The following CACNG2 variants were observed in gnomAD, a reference collection of about 807,000 sequenced individuals.
CACNG2 encodes voltage-dependent calcium channel gamma-2 subunit.
Under a neutral mutation model 25.9 loss-of-function variants are expected in CACNG2, and 3 were observed. The observed-to-expected ratio is 0.12, with a 90% CI of 0.05 to 0.30. The LOEUF is 0.30. Among genes scored for constraint, CACNG2 ranks in the 10% least tolerant of loss-of-function variants. The probability of loss-of-function intolerance (pLI) is 1.00; values close to 1 mark genes in which losing one functional copy is unlikely to be tolerated. For synonymous variants in CACNG2, 167 were observed against 173.3 expected, an observed-to-expected ratio of 0.96 and a Z score of 0.29; for missense variants, 341 against 432.5, an observed-to-expected ratio of 0.79 and a Z score of 1.88.
intron 2 of CACNG2, among the ~76,000 whole-genome samples, chr22:36,575,381 C>T (rs78802973): frequency 0.039 from 5,942 of 152,222 alleles, 393 homozygotes; most frequent in African/African-American, 0.14. Context: ...TCTTGTGCCT[C>T]GGTGGGCCCC....
At chr22:36,623,011 GGTTTT>G (rs1360713428) in intron 1 of CACNG2, among the ~76,000 whole-genome samples, 19 of 93,222 alleles carry the variant, frequency 2.0e-4, no homozygotes, top group South Asian at 3.4e-4. Context: ...TCAAAACATG[GGTTTT>G]TTTTTTTTTT....
At chr22:36,690,664 A>G (rs2146013785) in intron 1 of CACNG2, among the ~76,000 whole-genome samples, 1 of 152,300 alleles carries the variant, frequency 6.6e-6, no homozygotes, top group African/African-American at 2.4e-5. Flanking sequence ...TTTCTTGTCC[A>G]AGGGAACATA....
rs1472219208 is a variant in CACNG2 at position 36,564,605 on chromosome 22, T to C, written c.718A>G (p.Ser240Gly). The C allele has an allele frequency of 6.2e-7, 1 of 1,613,914 alleles. No individual in the cohort carries two copies. Among genetic ancestry groups the C allele is most frequent in the Admixed American group, 1.7e-5 (1 of 60,014 alleles). Reference protein sequence around the residue: ...RYRYQRRSRSSSRSTEPSHSR... With the variant: ...RYRYQRRSRSGSRSTEPSHSR... The stretch of plus-strand genomic sequence containing the variant: ...TGTGAGGGCTCCGTGGAGCGCGAGC[T>C]GGAGCGGCTGCGGCGCTGGTAGCGG... The change falls in exon 4 of 4, where the codon AGC becomes GGC. Residue 240 changes from serine (S) to glycine (G), a missense_variant. This residue lies in a region of CACNG2 where 172 missense variants were observed against 178.1 expected (regional missense o/e 0.97). Transcript: ENST00000300105. The surrounding 1 kb of genome is among the most constrained non-coding windows in gnomAD (Gnocchi z 6.7).
chr22:36,703,302 C>G lies in CACNG2; in HGVS notation c.-726G>C, dbSNP rs1937437058. On this transcript the variant is annotated 5_prime_UTR_variant, in exon 1 of 4. Transcript: ENST00000300105. ...CGCGGCGGCGGCGGCGGCAGCAGGA[C>G]GAGCAGCGGCGGCGGTTATTGTTGT... The G allele has an allele frequency of 4.9e-5, 7 of 144,152 alleles. No individual in the cohort carries two copies. The South Asian group carries it at 1.3e-3, about 27-fold the overall frequency. 8.9% of individuals were successfully genotyped at this position (144,152 alleles called of 1,614,324 possible).
At chr22:36,657,518 G>C (rs5995325) in intron 1 of CACNG2, among the ~76,000 whole-genome samples, 7,906 of 152,176 alleles carry the variant, frequency 0.052, 469 homozygotes, top group African/African-American at 0.13. Context: ...CCCGGCTGGA[G>C]GACACGGGGG....
chr22:36,615,513 G>A (rs1012939799), intron 1 of CACNG2, among the ~76,000 whole-genome samples: 2 of 152,200 alleles, frequency 1.3e-5, no homozygotes, highest in Admixed American at 6.5e-5. Context: ...TTTTGCATCC[G>A]CATGATGGGC....
At chr22:36,665,146 C>A (rs1283937567) in intron 1 of CACNG2, among the ~76,000 whole-genome samples, 2 of 152,218 alleles carry the variant, frequency 1.3e-5, no homozygotes, top group East Asian at 1.9e-4. Context: ...TTGCTCCTCT[C>A]CAAGCCTCCA....
chr22:36,649,187 G>A (rs993514634), intron 1 of CACNG2, among the ~76,000 whole-genome samples: 5 of 152,148 alleles, frequency 3.3e-5, no homozygotes, highest in African/African-American at 7.2e-5. Flanking sequence ...ATCTTCTGCC[G>A]CGGCAGCTCC....
At chr22:36,685,357 T>C (rs1342909753) in intron 1 of CACNG2, among the ~76,000 whole-genome samples, 1 of 152,150 alleles carries the variant, frequency 6.6e-6, no homozygotes, top group East Asian at 1.9e-4. Context: ...TCTCACGCTC[T>C]TTCCCCACCC....
At chr22:36,578,989 C>A (rs1206923362) in intron 2 of CACNG2, among the ~76,000 whole-genome samples, 1 of 152,196 alleles carries the variant, frequency 6.6e-6, no homozygotes, top group Non-Finnish European at 1.5e-5. Flanking sequence ...CCCCGCACAG[C>A]AGCCTCGTCC....
Position 36,679,197 on chromosome 22 carries a change from C to CTTTCTTT in CACNG2, c.211+23168_211+23169insAAAGAAA, listed in dbSNP as rs1937060219. Among the ~76,000 whole-genome samples the CTTTCTTT allele has an allele frequency of 3.2e-3, 175 of 54,802 alleles. 1 individual carries two copies. The highest frequency in any genetic ancestry group is 0.025 in the Middle Eastern group (2 of 80). 36.0% of individuals were successfully genotyped at this position (54,802 alleles called of 152,430 possible). On this transcript the variant is annotated intron_variant, in intron 1 of 3. Transcript: ENST00000300105. ...TCCTTCCTTCCTTCCTTCCTTCCTT[C>CTTTCTTT]CTTTCTTTCTTTCTTTCTTTCTTTC...
Position 36,564,218 on chromosome 22 carries a change from GTTTT to G in CACNG2, c.*129_*132del, listed in dbSNP as rs1300223468. ...GTGTGTGTGTGTTTTTTTGTTTTTT[GTTTT>G]TTTGTTTTTTTTGTTTTTTGTTTTT... On this transcript the variant is annotated 3_prime_UTR_variant, in exon 4 of 4. Coordinates refer to ENST00000300105, the MANE Select transcript of CACNG2 (RefSeq NM_006078.5). This position sits in a 1 kb window ranked among gnomAD's most constrained non-coding sequence, Gnocchi z 6.7. The G allele has an allele frequency of 4.1e-6, 3 of 731,878 alleles. No homozygotes were observed. The South Asian group carries it at 8.0e-5, about 19-fold the overall frequency. 45.3% of individuals were successfully genotyped at this position (731,878 alleles called of 1,614,324 possible).
intron 1 of CACNG2, among the ~76,000 whole-genome samples, chr22:36,652,161 C>A (rs1936628077): frequency 6.6e-6 from 1 of 151,924 alleles, no homozygotes; most frequent in African/African-American, 2.4e-5. Flanking sequence ...CCACTGTGCC[C>A]ATCCTGTTTC....
intron 2 of CACNG2, 48 bp downstream of exon 2, chr22:36,587,417 G>T: frequency 1.5e-6 from 2 of 1,341,744 alleles, no homozygotes; most frequent in Non-Finnish European, 2.1e-6. Context: ...GGATGGAAGG[G>T]CAGGGCCCAC....
intron 1 of CACNG2, among the ~76,000 whole-genome samples, chr22:36,589,560 C>A (rs986935662): frequency 6.6e-6 from 1 of 152,196 alleles, no homozygotes; most frequent in Admixed American, 6.5e-5. Context: ...TGAGCTATCC[C>A]TGTACCAAAT....
At position 36,563,470 on chromosome 22, in the gene CACNG2, C is replaced by T. The variant is rs1935063723; in HGVS notation, c.*881G>A. On this transcript the variant is annotated 3_prime_UTR_variant, in exon 4 of 4. Transcript: ENST00000300105. Reference sequence around the variant, plus strand: ...CGGGGTTTCCGGCATCTTGGTAAGCCACCGGCAGCCTCCCCTCTCCTTCCC... The same window carrying T: ...CGGGGTTTCCGGCATCTTGGTAAGCTACCGGCAGCCTCCCCTCTCCTTCCC... Among the ~76,000 whole-genome samples, 1 of 152,120 alleles carries T rather than the reference C, an allele frequency of 6.6e-6. No individual in the cohort carries two copies. The highest frequency in any genetic ancestry group is 1.5e-5 in the Non-Finnish European group (1 of 67,986).
chr22:36,626,322 T>C (rs2145954187), intron 1 of CACNG2, among the ~76,000 whole-genome samples: 1 of 152,338 alleles, frequency 6.6e-6, no homozygotes, highest in East Asian at 1.9e-4. Flanking sequence ...GTCACTTAAA[T>C]GTTCGATCCA....
At chr22:36,592,913 G>GGGTAGAGC (rs1935618622) in intron 1 of CACNG2, among the ~76,000 whole-genome samples, 1 of 152,176 alleles carries the variant, frequency 6.6e-6, no homozygotes, top group Non-Finnish European at 1.5e-5. Context: ...AGGGGTAGAG[G>GGGTAGAGC]CTCTCATCGG....
chr22:36,653,212 T>C (rs1293722102), intron 1 of CACNG2, among the ~76,000 whole-genome samples: 2 of 151,978 alleles, frequency 1.3e-5, no homozygotes, highest in Non-Finnish European at 2.9e-5. Context: ...TAATCCCAGC[T>C]ACTTGGGAGG....
Sources: allele counts gnomAD v4.1 joint callset (sites outside exome capture counted in the v4.1 genomes callset), GRCh38; gene constraint gnomAD v4.1.1; regional missense constraint gnomAD v4.1.1; non-coding constraint Gnocchi (gnomAD v3.1); transcripts MANE v1.5; gene names NCBI Gene and HGNC (gene_info 2026-07-23, HGNC 2026-07-21).